PTPRN2: variants seen among roughly 807,000 people sequenced by gnomAD.
The protein encoded by PTPRN2 is receptor-type tyrosine-protein phosphatase N2.
Under a neutral mutation model 118.8 loss-of-function variants are expected in PTPRN2, and 74 were observed. That is an observed-to-expected ratio of 0.62 (90% CI 0.52 to 0.76). The LOEUF is 0.76. PTPRN2 is among the 30% of genes least tolerant of loss of function. The pLI, the probability that PTPRN2 is intolerant of heterozygous loss-of-function variation, is 0.00. For missense variants in PTPRN2, 1,481 were observed against 1,394.4 expected (o/e 1.06, Z -0.99); for synonymous variants, 641 against 608.0 (o/e 1.05, Z -0.80).
chr7:158,087,186 T>C (rs775913967), intron 10 of PTPRN2, among the ~76,000 whole-genome samples: 1 of 152,196 alleles, frequency 6.6e-6, no homozygotes, highest in Non-Finnish European at 1.5e-5. Flanking sequence ...ATCCACTCTC[T>C]AAATTGACTA....
rs946695199 is a variant in PTPRN2, at chr7:157,780,167, A to C, written c.1789-97230T>G. 3.9e-5 allele frequency among the ~76,000 whole-genome samples: 6 copies of C among 152,156 alleles called. No individual in the cohort carries two copies. Among genetic ancestry groups the C allele is most frequent in the African/African-American group, 1.4e-4 (6 of 41,426 alleles). ...TATGATCCCACCACGTATCTCTACTATTAAAGAATTAGCCTCTGGGCCGTG... is the reference window on the plus strand; with the variant it reads ...TATGATCCCACCACGTATCTCTACTCTTAAAGAATTAGCCTCTGGGCCGTG... On this transcript the variant is annotated intron_variant, in intron 12 of 22. Transcript: ENST00000389418. The surrounding 1 kb of genome is among the most constrained non-coding windows in gnomAD (Gnocchi z 4.5).
chr7:158,144,225 T>G (rs1819664488), intron 6 of PTPRN2, among the ~76,000 whole-genome samples: 1 of 152,242 alleles, frequency 6.6e-6, no homozygotes, highest in African/African-American at 2.4e-5. Flanking sequence ...TTTGCCATAC[T>G]GATCCACAAA....
chr7:158,278,580 T>C (rs1407331034), intron 3 of PTPRN2, among the ~76,000 whole-genome samples: 1 of 152,200 alleles, frequency 6.6e-6, no homozygotes, highest in Non-Finnish European at 1.5e-5. Flanking sequence ...ACCCACAACT[T>C]CCTGATGTAG....
At chr7:158,146,852 A>C (rs951759830) in intron 6 of PTPRN2, among the ~76,000 whole-genome samples, 8 of 152,008 alleles carry the variant, frequency 5.3e-5, no homozygotes, top group Non-Finnish European at 8.8e-5. Context: ...GACTTGACCA[A>C]TGGATAGAAC....
intron 2 of PTPRN2, among the ~76,000 whole-genome samples, chr7:158,318,505 A>C (rs1802535016): frequency 6.6e-6 from 1 of 152,074 alleles, no homozygotes; most frequent in South Asian, 2.1e-4. Flanking sequence ...AAGAACCAAA[A>C]GCCAGGTTCC....
At chr7:158,346,710 C>G (rs112585935) in intron 2 of PTPRN2, among the ~76,000 whole-genome samples, 15 of 152,090 alleles carry the variant, frequency 9.9e-5, no homozygotes, top group Admixed American at 9.8e-4. Flanking sequence ...ATGACTGTAC[C>G]GATTTAGATT....
In PTPRN2 at chr7:157,763,167, C is replaced by G. The variant is rs1381276133; in HGVS notation, c.1789-80230G>C. On this transcript the variant is annotated intron_variant, in intron 12 of 22. Transcript: ENST00000389418. This position sits in a 1 kb window ranked among gnomAD's most constrained non-coding sequence, Gnocchi z 4.9. The stretch of plus-strand genomic sequence containing the variant: ...CCCTCCATCAGAGCCCATGGCTGCC[C>G]ACTCACAGGCACAGAGTCCATCCCA... Among the ~76,000 whole-genome samples, 1 of 152,250 alleles carries G rather than the reference C, an allele frequency of 6.6e-6. No individual in the cohort carries two copies. The highest frequency in any genetic ancestry group is 1.5e-5 in the Non-Finnish European group (1 of 68,046).
Position 157,813,447 on chromosome 7 carries a change from G to A in PTPRN2, c.1788+85226C>T, listed in dbSNP as rs200541268. On this transcript the variant is annotated intron_variant, in intron 12 of 22. Transcript: ENST00000389418. This position sits in a 1 kb window ranked among gnomAD's most constrained non-coding sequence, Gnocchi z 4.7. ...CATTCAGGTCCCCAAAACAGCATGTGCAGCTCTCGTTAAATGGAAAAGGCC... is the reference window on the plus strand; with the variant it reads ...CATTCAGGTCCCCAAAACAGCATGTACAGCTCTCGTTAAATGGAAAAGGCC... 8.7e-4 allele frequency among the ~76,000 whole-genome samples: 133 copies of A among 152,316 alleles called. No homozygotes were observed. The highest frequency in any genetic ancestry group is 6.8e-3 in the Middle Eastern group (2 of 294).
At chr7:158,172,911 C>A (rs895174508) in intron 5 of PTPRN2, among the ~76,000 whole-genome samples, 1 of 146,592 alleles carries the variant, frequency 6.8e-6, no homozygotes, top group Admixed American at 6.6e-5. Flanking sequence ...ATCCCACCAT[C>A]AATAGCAGCA....
chr7:158,538,124 C>G (rs1234205284), intron 1 of PTPRN2, among the ~76,000 whole-genome samples: 1 of 152,240 alleles, frequency 6.6e-6, no homozygotes, highest in African/African-American at 2.4e-5. Context: ...CTTCCGGACG[C>G]TGGCGGAAAA....
chr7:157,908,542 G>T (rs1005966020), intron 11 of PTPRN2, among the ~76,000 whole-genome samples: 1 of 152,216 alleles, frequency 6.6e-6, no homozygotes, highest in African/African-American at 2.4e-5. Flanking sequence ...AGCTCTAGAA[G>T]TACTCACGGA....
intron 11 of PTPRN2, among the ~76,000 whole-genome samples, chr7:157,958,985 C>T (rs1251971655): frequency 1.3e-5 from 2 of 152,200 alleles, no homozygotes; most frequent in Admixed American, 1.3e-4. Flanking sequence ...TTTAAACTTA[C>T]AACAAAGCTA....
At chr7:158,491,523 C>T (rs1303203378) in intron 1 of PTPRN2, among the ~76,000 whole-genome samples, 1 of 151,994 alleles carries the variant, frequency 6.6e-6, no homozygotes, top group Non-Finnish European at 1.5e-5. Context: ...GAGTCTTGCT[C>T]TTATCACCCA....
At chr7:158,050,122 G>T (rs1262288728) in intron 11 of PTPRN2, among the ~76,000 whole-genome samples, 2 of 152,130 alleles carry the variant, frequency 1.3e-5, no homozygotes, top group Non-Finnish European at 2.9e-5. Flanking sequence ...TCCTGAAAAG[G>T]TACATCAAAG....
intron 12 of PTPRN2, among the ~76,000 whole-genome samples, chr7:157,853,009 C>A (rs1376588155): frequency 1.6e-4 from 24 of 152,156 alleles, no homozygotes; most frequent in Admixed American, 1.6e-3. Context: ...TGTGGTTTCC[C>A]ATCACTGTGT....
At chr7:158,168,521 C>G (rs1213809540) in intron 5 of PTPRN2, among the ~76,000 whole-genome samples, 2 of 152,226 alleles carry the variant, frequency 1.3e-5, no homozygotes. Context: ...TCTCTTTCAG[C>G]AACCCTCAGC....
chr7:158,267,881 T>C (rs758054388), intron 3 of PTPRN2, among the ~76,000 whole-genome samples: 1 of 152,156 alleles, frequency 6.6e-6, no homozygotes. Context: ...AGGAACACTG[T>C]TTCCTACCTC....
intron 12 of PTPRN2, among the ~76,000 whole-genome samples, chr7:157,752,360 C>T (rs553693283): frequency 1.3e-5 from 2 of 152,324 alleles, no homozygotes; most frequent in Non-Finnish European, 2.9e-5. Context: ...TCTGAGAGCC[C>T]CAGAGGGGGC....
In PTPRN2 at chr7:158,515,467, G is replaced by A. The variant is rs369264496; in HGVS notation, c.113-25682C>T. On this transcript the variant is annotated intron_variant, in intron 1 of 22. Coordinates refer to ENST00000389418, the MANE Select transcript of PTPRN2 (RefSeq NM_002847.5). ...CTCCCAAAGTGCTGGGATTACAAGCGTGAGCCACCATGCCCAGCCGTGCGA... is the reference window on the plus strand; with the variant it reads ...CTCCCAAAGTGCTGGGATTACAAGCATGAGCCACCATGCCCAGCCGTGCGA... Among the ~76,000 whole-genome samples, 77 of 152,208 alleles carry A rather than the reference G, an allele frequency of 5.1e-4. No homozygotes were observed. In the East Asian group the frequency reaches 7.9e-3, roughly 16 times the overall value.
Sources: gnomAD v4.1 joint callset for allele counts (sites outside exome capture counted in the v4.1 genomes callset) on GRCh38, gnomAD v4.1.1 for gene constraint, Gnocchi (gnomAD v3.1) non-coding constraint, MANE v1.5 for transcripts, NCBI Gene and HGNC (gene_info 2026-07-23, HGNC 2026-07-21) for gene names.